PDE1A: variants seen among roughly 807,000 people sequenced by gnomAD.
PDE1A encodes the protein phosphodiesterase 1A, also known as dual specificity calcium/calmodulin-dependent 3',5'-cyclic nucleotide phosphodiesterase 1A.
A neutral mutation model predicts 61.7 loss-of-function variants in PDE1A; 35 were observed. The ratio of observed to expected loss-of-function variants is 0.57; its 90% CI spans 0.43 to 0.75. PDE1A has a LOEUF of 0.75. Among genes scored for constraint, PDE1A ranks in the 30% least tolerant of loss-of-function variants. The probability of loss-of-function intolerance (pLI) is 0.00; values close to 1 mark genes in which losing one functional copy is unlikely to be tolerated. For synonymous variants in PDE1A, 232 were observed against 213.2 expected (o/e 1.09, Z -0.77); for missense variants, 597 against 630.6 (o/e 0.95, Z 0.57).
intron 1 of PDE1A, among the ~76,000 whole-genome samples, chr2:182,365,961 T>A (rs1271153903): frequency 6.6e-6 from 1 of 151,758 alleles, no homozygotes; most frequent in Non-Finnish European, 1.5e-5. Flanking sequence ...CTGTCAACTG[T>A]TAAGAGATGC....
the PDE1A span, among the ~76,000 whole-genome samples, chr2:182,683,994 A>G: frequency 6.6e-6 from 1 of 151,934 alleles, no homozygotes; most frequent in African/African-American, 2.4e-5. Flanking sequence ...GTGGTGGCGC[A>G]TGCCTGTAAT....
chr2:182,659,025 C>G, the PDE1A span, among the ~76,000 whole-genome samples: 2 of 152,062 alleles, frequency 1.3e-5, no homozygotes, highest in East Asian at 3.8e-4. Context: ...CTCTTTTTAC[C>G]TATTTGAATT....
chr2:182,623,820 A>T, the PDE1A span, among the ~76,000 whole-genome samples: 2 of 152,136 alleles, frequency 1.3e-5, no homozygotes, highest in Non-Finnish European at 2.9e-5. Flanking sequence ...TGAACATTAT[A>T]CAAACCCTTT....
chr2:182,178,641 G>C (rs1252547492), intron 13 of PDE1A, among the ~76,000 whole-genome samples: 1 of 152,062 alleles, frequency 6.6e-6, no homozygotes, highest in Non-Finnish European at 1.5e-5. Flanking sequence ...GAACAAGGTG[G>C]GTGTTCTCAG....
At chr2:182,485,236 CCATTAGCCTTG>C (rs1687944242) in intron 2 of PDE1A, among the ~76,000 whole-genome samples, 1 of 151,998 alleles carries the variant, frequency 6.6e-6, no homozygotes, top group African/African-American at 2.4e-5. Flanking sequence ...CAGCTGGAGA[CCATTAGCCTTG>C]GCAAACTAAC....
chr2:182,583,084 AAAG>A, the PDE1A span, among the ~76,000 whole-genome samples: 2 of 152,182 alleles, frequency 1.3e-5, no homozygotes, highest in Non-Finnish European at 2.9e-5. Context: ...CCAGGAGAAC[AAAG>A]AAACAGCTGC....
chr2:182,274,929 A>G (rs1316985843), intron 1 of PDE1A, among the ~76,000 whole-genome samples: 1 of 152,142 alleles, frequency 6.6e-6, no homozygotes, highest in Non-Finnish European at 1.5e-5. Flanking sequence ...CATCACTGGT[A>G]TAAACTTCTG....
chr2:182,679,812 G>C, the PDE1A span, among the ~76,000 whole-genome samples: 1 of 151,886 alleles, frequency 6.6e-6, no homozygotes, highest in Non-Finnish European at 1.5e-5. Flanking sequence ...TTTTTTCCTA[G>C]AGCTAATAAA....
the PDE1A span, among the ~76,000 whole-genome samples, chr2:182,576,033 G>A: frequency 6.7e-6 from 1 of 150,298 alleles, no homozygotes; most frequent in Non-Finnish European, 1.5e-5. Flanking sequence ...TACATTATCT[G>A]ATTTGCTTTT....
the PDE1A span, among the ~76,000 whole-genome samples, chr2:182,535,073 G>C: frequency 7.0e-6 from 1 of 143,052 alleles, no homozygotes; most frequent in African/African-American, 2.5e-5. Flanking sequence ...CTTATCAAAA[G>C]TATTTTTTTA....
chr2:182,696,263 A>C, the PDE1A span, among the ~76,000 whole-genome samples: 1 of 152,254 alleles, frequency 6.6e-6, no homozygotes, highest in African/African-American at 2.4e-5. Flanking sequence ...CATCCAGACA[A>C]CGGGATATTA....
chr2:182,698,440 C>T, the PDE1A span, among the ~76,000 whole-genome samples: 1 of 152,056 alleles, frequency 6.6e-6, no homozygotes, highest in Non-Finnish European at 1.5e-5. Context: ...ATGGAAACAA[C>T]TTTAAAAACT....
At chr2:182,616,399 G>A in the PDE1A span, among the ~76,000 whole-genome samples, 1 of 152,176 alleles carries the variant, frequency 6.6e-6, no homozygotes, top group African/African-American at 2.4e-5. Flanking sequence ...TCATTCATGT[G>A]GCACACCACA....
the PDE1A span, among the ~76,000 whole-genome samples, chr2:182,559,123 C>G: frequency 1.7e-4 from 26 of 152,222 alleles, no homozygotes; most frequent in African/African-American, 6.3e-4. Flanking sequence ...TATATTTGCC[C>G]AGTGATCAGT....
At chr2:182,537,791 C>T in the PDE1A span, among the ~76,000 whole-genome samples, 1 of 151,898 alleles carries the variant, frequency 6.6e-6, no homozygotes, top group Non-Finnish European at 1.5e-5. Context: ...AGGTGTGTTG[C>T]TGGTAGGAAG....
rs551276636 is a variant in PDE1A, at chr2:182,353,840, T to C, written c.53+72738A>G. On this transcript the variant is annotated intron_variant, in intron 1 of 13. Coordinates refer to ENST00000351439, the Ensembl canonical transcript of PDE1A. ...AAATAATGGATCTAATTTTCACTTA[T>C]TAAACTTAATCTAATTTTAATAAAT... Among the ~76,000 whole-genome samples the C allele has an allele frequency of 7.2e-5, 11 of 152,276 alleles. No homozygotes were observed. In the East Asian group the frequency reaches 1.9e-3, roughly 27 times the overall value.
chr2:182,589,717 A>T, the PDE1A span, among the ~76,000 whole-genome samples: 12 of 152,356 alleles, frequency 7.9e-5, no homozygotes, highest in African/African-American at 2.9e-4. Context: ...TTCTGATTTC[A>T]GATGGATGTG....
the PDE1A span, among the ~76,000 whole-genome samples, chr2:182,539,294 C>T: frequency 6.6e-6 from 1 of 152,200 alleles, no homozygotes; most frequent in Admixed American, 6.5e-5. Flanking sequence ...AAAAGAGGCT[C>T]TCGAGCCATC....
chr2:182,205,877 T>G, intron 8 of PDE1A, 63 bp downstream of exon 8: 1 of 1,452,992 alleles, frequency 6.9e-7, no homozygotes, highest in South Asian at 1.3e-5. Context: ...TTCTTGACTT[T>G]AAATCGCATA....
Sources: gnomAD v4.1 joint callset for allele counts (sites outside exome capture counted in the v4.1 genomes callset) on GRCh38, gnomAD v4.1.1 for gene constraint, MANE v1.5 for transcripts, NCBI Gene and HGNC (gene_info 2026-07-23, HGNC 2026-07-21) for gene names.